C1orf87: variants seen among roughly 807,000 people sequenced by gnomAD.
C1orf87 encodes the protein chromosome 1 open reading frame 87.
In C1orf87, 58 loss-of-function variants were observed where a neutral mutation model predicts 60.5. That is an observed-to-expected ratio of 0.96 (90% CI 0.78 to 1.19). C1orf87 has a LOEUF of 1.19. C1orf87 is among the 50% of genes most tolerant of loss of function. The pLI is 0.00. For missense variants in C1orf87, 673 were observed against 638.6 expected (o/e 1.05, Z -0.58); for synonymous variants, 236 against 227.4 (o/e 1.04, Z -0.34).
At chr1:60,001,276 T>C (rs898226993) in intron 9 of C1orf87, 120 bp from the exon 10 acceptor site, 6 of 730,318 alleles carry the variant, frequency 8.2e-6, no homozygotes, top group African/African-American at 3.8e-5. Flanking sequence ...TGCTCTGTGG[T>C]TGGCACTGTG....
At chr1:60,056,269 T>C (rs1645456067) in intron 2 of C1orf87, among the ~76,000 whole-genome samples, 1 of 151,944 alleles carries the variant, frequency 6.6e-6, no homozygotes. Context: ...TGGAAAGTCT[T>C]ACAAATCAAA....
chr1:60,049,231 C>T (rs114680017), intron 3 of C1orf87, among the ~76,000 whole-genome samples: 258 of 152,052 alleles, frequency 1.7e-3, no homozygotes, highest in African/African-American at 5.9e-3. Context: ...TTCCCCATAG[C>T]CTTCCAACAA....
intron 6 of C1orf87, among the ~76,000 whole-genome samples, chr1:60,033,869 G>C (rs1645256909): frequency 6.6e-6 from 1 of 152,122 alleles, no homozygotes; most frequent in Admixed American, 6.5e-5. Flanking sequence ...TCTTTTCCAA[G>C]AGGCACCAAC....
At chr1:60,042,071 C>T (rs1003710636) in intron 3 of C1orf87, among the ~76,000 whole-genome samples, 4 of 152,172 alleles carry the variant, frequency 2.6e-5, no homozygotes, top group Non-Finnish European at 4.4e-5. Flanking sequence ...TTCTTGAGGT[C>T]CTCAAGTAGC....
intron 3 of C1orf87, among the ~76,000 whole-genome samples, chr1:60,047,386 G>A (rs1241640985): frequency 6.6e-6 from 1 of 151,970 alleles, no homozygotes; most frequent in Non-Finnish European, 1.5e-5. Flanking sequence ...CCCAAATTAT[G>A]TCGCTTTCAA....
intron 2 of C1orf87, among the ~76,000 whole-genome samples, chr1:60,066,660 C>A (rs1278067617): frequency 6.6e-6 from 1 of 151,958 alleles, no homozygotes; most frequent in Non-Finnish European, 1.5e-5. Context: ...ATTTTGACAT[C>A]CTCCCATGAA....
chr1:60,032,474 G>C (rs1574311312), intron 7 of C1orf87, among the ~76,000 whole-genome samples: 1 of 120,764 alleles, frequency 8.3e-6, no homozygotes, highest in Admixed American at 1.2e-4. Context: ...GTCTCGCTCT[G>C]TCACCCAGGC....
At chr1:60,041,349 T>C (rs1310051838) in intron 3 of C1orf87, among the ~76,000 whole-genome samples, 1 of 152,214 alleles carries the variant, frequency 6.6e-6, no homozygotes, top group East Asian at 1.9e-4. Context: ...ACATGTTAGA[T>C]AAATATATTC....
intron 3 of C1orf87, among the ~76,000 whole-genome samples, chr1:60,054,047 T>G (rs1645434750): frequency 6.6e-6 from 1 of 152,184 alleles, no homozygotes; most frequent in Non-Finnish European, 1.5e-5. Context: ...AACAAATATA[T>G]TAATGCCAGA....
chr1:60,037,981 G>A lies in C1orf87; in HGVS notation c.863+11C>T. 6.3e-7 allele frequency: 1 copy of A among 1,580,182 alleles called. No homozygotes were observed. The highest frequency in any genetic ancestry group is 8.7e-7 in the Non-Finnish European group (1 of 1,152,136). ...TAGGAACAATACCCTCACAAAAAGG[G>A]AGAAGAGTACCTTTGGCTATGAGTG... On this transcript the variant is annotated intron_variant, in intron 6 of 11. Coordinates refer to ENST00000371201, the MANE Select transcript of C1orf87 (RefSeq NM_152377.3).
At chr1:60,064,754 A>G (rs1645527530) in intron 2 of C1orf87, among the ~76,000 whole-genome samples, 2 of 94,300 alleles carry the variant, frequency 2.1e-5, no homozygotes, top group African/African-American at 8.5e-5. Flanking sequence ...TATTAAATAT[A>G]TAAATATATA....
chr1:60,006,719 G>T (rs1645048670), intron 9 of C1orf87, among the ~76,000 whole-genome samples: 1 of 151,952 alleles, frequency 6.6e-6, no homozygotes. Context: ...GTTTAGAGGG[G>T]CCTAAGCTCT....
At chr1:60,049,257 T>C (rs1185672511) in intron 3 of C1orf87, among the ~76,000 whole-genome samples, 3 of 152,078 alleles carry the variant, frequency 2.0e-5, no homozygotes. Context: ...ATTATCAATA[T>C]TATGGATTTT....
intron 11 of C1orf87, among the ~76,000 whole-genome samples, chr1:59,994,983 G>A (rs377017897): frequency 3.3e-5 from 5 of 152,160 alleles, no homozygotes; most frequent in African/African-American, 1.2e-4. Flanking sequence ...CCCAGATCTG[G>A]CTGACACATT....
chr1:60,033,626 G>A lies in C1orf87; in HGVS notation c.879C>T (p.His293=). Residue 293 remains histidine (H), a synonymous_variant, in exon 7 of 12, where the codon CAC becomes CAT. Coordinates refer to ENST00000371201, the MANE Select transcript of C1orf87 (RefSeq NM_152377.3). The part of the protein sequence containing the change: ...GTHSQSTPPQ[H]SSSQPEVNRS... ...TGTTCACTTCTGGCTGTGAGCTGGA[G>A]TGCTGAGGTGGAGTGCTGATTGTAG... The A allele has an allele frequency of 1.2e-6, 2 of 1,612,718 alleles. No individual in the cohort carries two copies. Among genetic ancestry groups the A allele is most frequent in the Non-Finnish European group, 1.7e-6 (2 of 1,179,346 alleles).
intron 5 of C1orf87, among the ~76,000 whole-genome samples, 184 bp from the exon 6 acceptor site, chr1:60,038,291 A>C: frequency 6.6e-6 from 1 of 152,102 alleles, no homozygotes; most frequent in African/African-American, 2.4e-5. Flanking sequence ...TTCTGGACAA[A>C]TGGTAAAATT....
intron 9 of C1orf87, among the ~76,000 whole-genome samples, chr1:60,004,181 A>G (rs1053662928): frequency 1.3e-5 from 2 of 152,088 alleles, no homozygotes; most frequent in Non-Finnish European, 2.9e-5. Context: ...ATGAACAGAC[A>G]GACCTAACAT....
chr1:59,991,533 ATATTT>A, intron 11 of C1orf87, among the ~76,000 whole-genome samples: 1 of 152,270 alleles, frequency 6.6e-6, no homozygotes, highest in African/African-American at 2.4e-5. Flanking sequence ...TCGTGTCATT[ATATTT>A]TATTTCTATT....
intron 2 of C1orf87, among the ~76,000 whole-genome samples, chr1:60,064,343 TA>T (rs1645520416): frequency 7.1e-6 from 1 of 140,676 alleles, no homozygotes; most frequent in African/African-American, 2.6e-5. Flanking sequence ...ACTATATATG[TA>T]ATATATGTAA....
Sources: allele counts gnomAD v4.1 joint callset (sites outside exome capture counted in the v4.1 genomes callset), GRCh38; gene constraint gnomAD v4.1.1; transcripts MANE v1.5; gene names NCBI Gene and HGNC (gene_info 2026-07-23, HGNC 2026-07-21).